The following CPED1 variants were observed in gnomAD, a reference collection of about 807,000 sequenced individuals.
CPED1 encodes cadherin-like and PC-esterase domain-containing protein 1.
A neutral mutation model predicts 128.2 loss-of-function variants in CPED1; 114 were observed. The observed-to-expected ratio is 0.89, with a 90% confidence interval of 0.76 to 1.04. The LOEUF is 1.04. Among genes scored for constraint, CPED1 ranks in the 50% least tolerant of loss-of-function variants. The pLI is 0.00. For synonymous variants in CPED1, 462 were observed against 426.7 expected, an observed-to-expected ratio of 1.08 and a Z score of -1.02; for missense variants, 1,211 against 1,207.1, an observed-to-expected ratio of 1.00 and a Z score of -0.05.
rs1795779914 is a variant in CPED1, at chr7:121,136,182, G to A, written c.1699+92G>A. The A allele has an allele frequency of 3.3e-6, 4 of 1,216,692 alleles. No individual in the cohort carries two copies. In the African/African-American group the frequency reaches 4.7e-5, roughly 14 times the overall value. The allele number at this position is 1,216,692 out of a possible 1,614,324, so 75.4% of individuals were successfully genotyped here. On this transcript the variant is annotated intron_variant, in intron 14 of 22. Transcript: ENST00000310396. The stretch of plus-strand genomic sequence containing the variant: ...AAATGCATCATTTTATTATATGTGG[G>A]TATCTTACGCTGATAATTGTTAAAG...
intron 5 of CPED1, among the ~76,000 whole-genome samples, chr7:121,082,074 GGC>G (rs1794308941): frequency 6.6e-6 from 1 of 152,104 alleles, no homozygotes; most frequent in African/African-American, 2.4e-5. Context: ...GGAATCCTAT[GGC>G]CCAGGCTTGC....
chr7:121,175,892 A>G (rs983968965), intron 16 of CPED1, among the ~76,000 whole-genome samples: 1 of 152,068 alleles, frequency 6.6e-6, no homozygotes, highest in African/African-American at 2.4e-5. Context: ...TTTCTATAAC[A>G]AATAGATTTG....
At chr7:121,171,061 TAA>T (rs58392760) in intron 16 of CPED1, among the ~76,000 whole-genome samples, 68 of 148,394 alleles carry the variant, frequency 4.6e-4, no homozygotes, top group African/African-American at 1.3e-3. Context: ...AATAAATACA[TAA>T]AAAAAAAAAT....
intron 16 of CPED1, among the ~76,000 whole-genome samples, chr7:121,146,657 A>G (rs1038407107): frequency 1.3e-5 from 2 of 152,170 alleles, no homozygotes; most frequent in African/African-American, 4.8e-5. Context: ...TAGTAAGATA[A>G]TTTGATTAAT....
At chr7:121,162,826 C>T (rs922519570) in intron 16 of CPED1, among the ~76,000 whole-genome samples, 11 of 152,224 alleles carry the variant, frequency 7.2e-5, no homozygotes, top group Non-Finnish European at 1.6e-4. Flanking sequence ...CCTCACATCA[C>T]TTTCCTGGGA....
At chr7:121,100,882 C>G (rs969998704) in intron 7 of CPED1, among the ~76,000 whole-genome samples, 1 of 152,042 alleles carries the variant, frequency 6.6e-6, no homozygotes, top group Non-Finnish European at 1.5e-5. Flanking sequence ...TCTTCCACCT[C>G]AAGAAGAAGG....
chr7:121,239,710 A>C (rs1444297249), intron 17 of CPED1, among the ~76,000 whole-genome samples: 2 of 152,198 alleles, frequency 1.3e-5, no homozygotes, highest in Non-Finnish European at 2.9e-5. Flanking sequence ...ATCTCACCTC[A>C]ACCCTAAATC....
chr7:121,235,801 C>CTGA (rs1584619640), intron 16 of CPED1, among the ~76,000 whole-genome samples: 1 of 152,036 alleles, frequency 6.6e-6, no homozygotes, highest in East Asian at 1.9e-4. Flanking sequence ...AAAGGGGGAG[C>CTGA]TGACATGAAC....
rs1414733162 is a variant in CPED1, at chr7:121,046,815, C to T, written c.434-72C>T. The T allele has an allele frequency of 4.3e-6, 4 of 938,434 alleles. No homozygotes were observed. The East Asian group carries it at 1.0e-4, about 24-fold the overall frequency. 58.1% of individuals were successfully genotyped at this position (938,434 alleles called of 1,614,324 possible). A position where few individuals can be genotyped will look rare whatever the true frequency, so the allele number is the denominator to read the frequency against. Reference sequence around the variant, plus strand: ...AATTTAAATAATTACATTTTTTAATCTGAAGAATTAAATATTGCTTTTAAA... The same window carrying T: ...AATTTAAATAATTACATTTTTTAATTTGAAGAATTAAATATTGCTTTTAAA... On this transcript the variant is annotated intron_variant, in intron 3 of 22. Transcript: ENST00000310396.
intron 16 of CPED1, among the ~76,000 whole-genome samples, chr7:121,155,196 ACT>A (rs1796258470): frequency 6.6e-6 from 1 of 152,150 alleles, no homozygotes; most frequent in South Asian, 2.1e-4. Flanking sequence ...AAACTATAAA[ACT>A]CTGATAAAAG....
At chr7:121,295,321 G>T (rs1792801235) in intron 22 of CPED1, 119 bp from the exon 23 acceptor site, 1 of 1,228,918 alleles carries the variant, frequency 8.1e-7, no homozygotes, top group Admixed American at 2.6e-5. Flanking sequence ...GTAAGTCATA[G>T]TCATGCCCTT....
At chr7:121,184,072 G>A (rs1320347126) in intron 16 of CPED1, among the ~76,000 whole-genome samples, 1 of 151,890 alleles carries the variant, frequency 6.6e-6, no homozygotes, top group Non-Finnish European at 1.5e-5. Context: ...CCCAGGGGAC[G>A]GAGGTTGCAG....
chr7:121,241,576 G>C (rs112428362), intron 17 of CPED1, among the ~76,000 whole-genome samples: 1 of 152,078 alleles, frequency 6.6e-6, no homozygotes, highest in East Asian at 1.9e-4. Flanking sequence ...AAGATATGCA[G>C]TCAGTTCTTC....
In CPED1 at chr7:121,020,221, G is replaced by A. The variant is rs149862200; in HGVS notation, c.433+4373G>A. On this transcript the variant is annotated intron_variant, in intron 3 of 22. Transcript: ENST00000310396. Reference sequence around the variant, plus strand: ...ATTGCTCTTGTTTTTATAACTTGAGGGTTTAACATAGAATGTTTTTTGAAG... The same window carrying A: ...ATTGCTCTTGTTTTTATAACTTGAGAGTTTAACATAGAATGTTTTTTGAAG... Among the ~76,000 whole-genome samples the A allele has an allele frequency of 4.5e-3, 678 of 152,062 alleles. 5 individuals carry two copies. Among genetic ancestry groups the A allele is most frequent in the African/African-American group, 0.015 (638 of 41,514 alleles).
At chr7:121,210,876 T>A (rs1346160731) in intron 16 of CPED1, among the ~76,000 whole-genome samples, 1 of 151,986 alleles carries the variant, frequency 6.6e-6, no homozygotes, top group African/African-American at 2.4e-5. Context: ...TACCCTGATG[T>A]GATTATTACA....
chr7:121,086,215 T>C (rs1249110534), intron 5 of CPED1, among the ~76,000 whole-genome samples: 1 of 152,186 alleles, frequency 6.6e-6, no homozygotes, highest in Non-Finnish European at 1.5e-5. Context: ...CTTTCAACTG[T>C]ATTTGTAGCA....
chr7:121,063,809 G>T (rs1036445941), intron 4 of CPED1, among the ~76,000 whole-genome samples: 6 of 152,074 alleles, frequency 3.9e-5, no homozygotes, highest in African/African-American at 1.5e-4. Context: ...GTGAAGTTTT[G>T]TGGGTGACTG....
At chr7:120,996,822 G>T (rs1796414184) in intron 2 of CPED1, among the ~76,000 whole-genome samples, 1 of 152,134 alleles carries the variant, frequency 6.6e-6, no homozygotes, top group African/African-American at 2.4e-5. Context: ...GGTTTAACCA[G>T]TTACCCCTCC....
intron 5 of CPED1, among the ~76,000 whole-genome samples, chr7:121,095,010 G>A (rs1794667143): frequency 6.6e-6 from 1 of 152,114 alleles, no homozygotes. Flanking sequence ...TATTATGCGG[G>A]CAGGAAAGCC....
Sources: gnomAD v4.1 joint callset for allele counts (sites outside exome capture counted in the v4.1 genomes callset) on GRCh38, gnomAD v4.1.1 for gene constraint, MANE v1.5 for transcripts, NCBI Gene and HGNC (gene_info 2026-07-23, HGNC 2026-07-21) for gene names.